Variants in HTR4 observed in about 807,000 individuals in gnomAD.
HTR4 encodes the protein 5-hydroxytryptamine (serotonin) receptor 4, G protein-coupled.
HTR4 carries 16 observed loss-of-function variants against 36.8 expected under a neutral mutation model. That is an observed-to-expected ratio of 0.43 (90% CI 0.29 to 0.66). The LOEUF is 0.66. Among genes scored for constraint, HTR4 ranks in the 30% least tolerant of loss-of-function variants. The pLI, the probability that HTR4 is intolerant of heterozygous loss-of-function variation, is 0.13. For missense variants in HTR4, 438 were observed against 490.9 expected (o/e 0.89, Z 1.02); for synonymous variants, 189 against 185.1 (o/e 1.02, Z -0.17).
At chr5:148,515,710 T>A (rs761666140) in intron 5 of HTR4, among the ~76,000 whole-genome samples, 1 of 152,150 alleles carries the variant, frequency 6.6e-6, no homozygotes, top group South Asian at 2.1e-4. Context: ...GTTTAATTTG[T>A]CATTTTTCTC....
chr5:148,582,426 AGTTT>A (rs1761172602), intron 2 of HTR4, among the ~76,000 whole-genome samples: 1 of 151,666 alleles, frequency 6.6e-6, no homozygotes, highest in African/African-American at 2.4e-5. Context: ...CCCAATAGTT[AGTTT>A]TTCAACCTTG....
intron 5 of HTR4, among the ~76,000 whole-genome samples, 170 bp downstream of exon 5, chr5:148,523,023 A>G (rs1285999663): frequency 6.6e-6 from 1 of 152,112 alleles, no homozygotes; most frequent in Non-Finnish European, 1.5e-5. Flanking sequence ...TGGGTTAAGG[A>G]GAGGAGTTTT....
At chr5:148,546,531 A>G (rs562202781) in intron 4 of HTR4, among the ~76,000 whole-genome samples, 1 of 152,334 alleles carries the variant, frequency 6.6e-6, no homozygotes, top group Admixed American at 6.5e-5. Context: ...AAAAGTACGT[A>G]GGCATAAATC....
intron 2 of HTR4, among the ~76,000 whole-genome samples, chr5:148,623,523 T>C (rs1372463212): frequency 6.6e-6 from 1 of 152,194 alleles, no homozygotes; most frequent in Non-Finnish European, 1.5e-5. Flanking sequence ...TATTAAAATA[T>C]TGCATAATTT....
chr5:148,618,581 G>C (rs142882015), intron 2 of HTR4, among the ~76,000 whole-genome samples: 3 of 152,172 alleles, frequency 2.0e-5, no homozygotes, highest in Admixed American at 2.0e-4. Flanking sequence ...CTCTCCCCTC[G>C]GCCCTTCAGG....
At chr5:148,608,490 T>C (rs1488933895) in intron 2 of HTR4, among the ~76,000 whole-genome samples, 1 of 152,108 alleles carries the variant, frequency 6.6e-6, no homozygotes, top group Non-Finnish European at 1.5e-5. Context: ...AAAATGGAAG[T>C]AATGCATTAG....
rs564891490 is a variant in HTR4, at chr5:148,452,300, T to C, written c.1077-1028A>G. 6.6e-5 allele frequency among the ~76,000 whole-genome samples: 10 copies of C among 152,312 alleles called. 2 individuals are homozygous for C. The highest frequency in any genetic ancestry group is 2.4e-4 in the African/African-American group (10 of 41,568). ...GTGATGCCCATGGGAATATAGGTCA[T>C]ACATGAAGACACATCCAATCAAACC... On this transcript the variant is annotated intron_variant, in intron 5 of 5. Coordinates refer to the HTR4 transcript ENST00000521530.
chr5:148,578,121 C>A (rs1020093472), intron 2 of HTR4, among the ~76,000 whole-genome samples: 1 of 151,712 alleles, frequency 6.6e-6, no homozygotes, highest in South Asian at 2.1e-4. Context: ...TAAGCAAATG[C>A]AACAGAATGA....
intron 5 of HTR4, among the ~76,000 whole-genome samples, chr5:148,469,608 A>G (rs538752301): frequency 1.3e-5 from 2 of 152,332 alleles, no homozygotes; most frequent in Admixed American, 6.5e-5. Flanking sequence ...TTGTTTGGTC[A>G]GAGCTTTATC....
intron 4 of HTR4, among the ~76,000 whole-genome samples, chr5:148,542,410 A>C (rs747686061): frequency 1.3e-5 from 2 of 152,232 alleles, no homozygotes; most frequent in Non-Finnish European, 2.9e-5. Context: ...AGATACATTT[A>C]TCTCCAGCAC....
At chr5:148,605,613 T>TA (rs1178051408) in intron 2 of HTR4, among the ~76,000 whole-genome samples, 1 of 152,066 alleles carries the variant, frequency 6.6e-6, no homozygotes, top group Non-Finnish European at 1.5e-5. Context: ...GTTCCGCAGT[T>TA]ACTACCTATA....
chr5:148,562,305 AC>A (rs1404203222), intron 2 of HTR4, among the ~76,000 whole-genome samples: 6 of 152,148 alleles, frequency 3.9e-5, no homozygotes, highest in African/African-American at 1.4e-4. Context: ...CTCTTTTGTA[AC>A]CAGAGATGTT....
At chr5:148,512,825 G>C (rs1213303203) in intron 5 of HTR4, among the ~76,000 whole-genome samples, 2 of 152,034 alleles carry the variant, frequency 1.3e-5, no homozygotes, top group Admixed American at 6.6e-5. Flanking sequence ...TAGCTCCTAG[G>C]GTGGCTGAGG....
chr5:148,471,707 A>T (rs6887366), downstream of HTR4, among the ~76,000 whole-genome samples: 82,919 of 152,010 alleles, frequency 0.55, 24,046 homozygotes, highest in East Asian at 0.8. Flanking sequence ...ACCAATACAG[A>T]TTCACATTAA....
Position 148,583,195 on chromosome 5 carries a change from T to C in HTR4, c.27-32933A>G, listed in dbSNP as rs1361234861. Among the ~76,000 whole-genome samples the C allele has an allele frequency of 2.0e-5, 3 of 152,024 alleles. 1 individual carries two copies. The highest frequency in any genetic ancestry group is 4.2e-4 in the South Asian group (2 of 4,814). On this transcript the variant is annotated intron_variant, in intron 2 of 6. Coordinates refer to ENST00000377888, the MANE Select transcript of HTR4 (RefSeq NM_000870.7). The stretch of plus-strand genomic sequence containing the variant: ...TTTTCTGCATCTGTTGAGATAATCA[T>C]GTGGTTTTTGTCTTTGGTTCTGTTT...
chr5:148,626,670 G>C (rs777330418), intron 2 of HTR4, among the ~76,000 whole-genome samples: 1 of 152,190 alleles, frequency 6.6e-6, no homozygotes, highest in Non-Finnish European at 1.5e-5. Context: ...CCTTGCAAAT[G>C]AGAGAATAAA....
intron 1 of HTR4, among the ~76,000 whole-genome samples, chr5:148,643,927 C>G (rs2127314313): frequency 6.6e-6 from 1 of 152,216 alleles, no homozygotes; most frequent in East Asian, 1.9e-4. Flanking sequence ...ATTCTGAATT[C>G]TGAGGAAATC....
intron 2 of HTR4, among the ~76,000 whole-genome samples, chr5:148,563,327 A>T (rs1051442908): frequency 1.3e-5 from 2 of 152,182 alleles, no homozygotes; most frequent in Non-Finnish European, 2.9e-5. Context: ...CCTTCACTTC[A>T]TTCAGGTGTC....
chr5:148,638,760 G>A (rs79487513), intron 1 of HTR4, among the ~76,000 whole-genome samples: 1,729 of 152,212 alleles, frequency 0.011, 38 homozygotes, highest in African/African-American at 0.04. Context: ...TCTCTACTTT[G>A]AAAATGATTC....
Sources: gnomAD v4.1 joint callset for allele counts (sites outside exome capture counted in the v4.1 genomes callset) on GRCh38, gnomAD v4.1.1 for gene constraint, MANE v1.5 for transcripts, NCBI Gene and HGNC (gene_info 2026-07-23, HGNC 2026-07-21) for gene names.